SLC4A5: variants seen among roughly 807,000 people sequenced by gnomAD.
SLC4A5 encodes electrogenic sodium bicarbonate cotransporter 4.
Under a neutral mutation model 120.4 loss-of-function variants are expected in SLC4A5, and 96 were observed. The observed-to-expected ratio is 0.80, with a 90% CI of 0.68 to 0.94. SLC4A5 has a LOEUF of 0.94. Among genes scored for constraint, SLC4A5 ranks in the 40% least tolerant of loss-of-function variants. The probability of loss-of-function intolerance (pLI) is 0.00; values close to 1 mark genes in which losing one functional copy is unlikely to be tolerated. For missense variants in SLC4A5, 1,259 were observed against 1,459.5 expected (o/e 0.86, Z 2.24); for synonymous variants, 550 against 571.1 (o/e 0.96, Z 0.53).
intron 10 of SLC4A5, among the ~76,000 whole-genome samples, chr2:74,262,529 G>C (rs975787171): frequency 1.3e-5 from 2 of 151,712 alleles, no homozygotes; most frequent in African/African-American, 2.4e-5. Context: ...GTGAAACCCT[G>C]TATCTACTAA....
Position 74,304,493 on chromosome 2 carries a change from C to A in SLC4A5, c.267G>T (p.Arg89Ser), listed in dbSNP as rs753765726. Residue 89 changes from arginine (R) to serine (S), a missense_variant, in exon 7 of 31, where the codon AGG (arginine) becomes AGT (serine). Transcript: ENST00000394019. ...TGTACCCCTCAAGGAACTCACGAGT[C>A]CTGCTGATAAGATCCATGCTGCTGT... 1.9e-6 allele frequency: 3 copies of A among 1,609,886 alleles called. No individual in the cohort carries two copies. The South Asian group carries it at 3.3e-5, about 18-fold the overall frequency.
At chr2:74,314,839 A>C in intron 6 of SLC4A5, 106 bp downstream of exon 6, 1 of 1,017,590 alleles carries the variant, frequency 9.8e-7, no homozygotes. Context: ...AGTCAGGAAA[A>C]GGGACCTGCT....
chr2:74,249,281 C>A (rs779418273), intron 17 of SLC4A5, among the ~76,000 whole-genome samples: 2 of 152,048 alleles, frequency 1.3e-5, no homozygotes, highest in Non-Finnish European at 2.9e-5. Context: ...GTCAGGAAGG[C>A]CTCCCTAGAA....
At chr2:74,273,787 T>C (rs1671549548) in intron 8 of SLC4A5, among the ~76,000 whole-genome samples, 1 of 152,246 alleles carries the variant, frequency 6.6e-6, no homozygotes, top group African/African-American at 2.4e-5. Flanking sequence ...TAGAGATGTC[T>C]GAGGAATCAT....
rs1396811609 is a variant in SLC4A5 at position 74,319,374 on chromosome 2, G to C, written c.-2-4349C>G. 2.6e-5 allele frequency: 4 copies of C among 152,130 alleles called. No homozygotes were observed. In the South Asian group the frequency reaches 8.3e-4, roughly 32 times the overall value. 9.4% of individuals were successfully genotyped at this position (152,130 alleles called of 1,614,324 possible). On this transcript the variant is annotated intron_variant, in intron 5 of 30. Transcript: ENST00000394019. ...CTAAATATATATTTTAAAACATTTA[G>C]GTTCTTTAAAAAACTATGTAGCTGG... is the stretch of plus-strand genomic sequence containing the variant.
At chr2:74,253,686 C>T (rs1046453635) in intron 14 of SLC4A5, among the ~76,000 whole-genome samples, 2 of 151,990 alleles carry the variant, frequency 1.3e-5, no homozygotes, top group African/African-American at 4.8e-5. Flanking sequence ...GCAAATCTGA[C>T]TGATTTTCAA....
intron 17 of SLC4A5, 146 bp from the exon 18 acceptor site, chr2:74,248,632 C>A: frequency 1.1e-6 from 1 of 905,512 alleles, no homozygotes. Flanking sequence ...TCCTGTTCTC[C>A]ATCTCCTACA....
At chr2:74,264,389 T>G (rs2104048272) in intron 9 of SLC4A5, 90 bp from the exon 10 acceptor site, 1 of 1,441,468 alleles carries the variant, frequency 6.9e-7, no homozygotes, top group African/African-American at 1.4e-5. Context: ...TTAGTGGGAT[T>G]AAATGTGGCA....
intron 5 of SLC4A5, among the ~76,000 whole-genome samples, chr2:74,321,553 GACCCAGATGTGGTT>G (rs1673098048): frequency 6.6e-6 from 1 of 152,072 alleles, no homozygotes; most frequent in Admixed American, 6.6e-5. Flanking sequence ...TGACAAAGGT[GACCCAGATGTGGTT>G]ACTGAAAACC....
intron 7 of SLC4A5, among the ~76,000 whole-genome samples, chr2:74,302,574 G>A (rs933699069): frequency 5.9e-5 from 9 of 152,192 alleles, no homozygotes; most frequent in African/African-American, 1.9e-4. Flanking sequence ...CCGAGATCGC[G>A]CCACTTAACT....
chr2:74,278,932 C>A (rs767345306), intron 8 of SLC4A5, among the ~76,000 whole-genome samples: 3 of 152,222 alleles, frequency 2.0e-5, no homozygotes, highest in Non-Finnish European at 4.4e-5. Context: ...CTCCTACAGT[C>A]GCTTTTCCAC....
intron 14 of SLC4A5, among the ~76,000 whole-genome samples, chr2:74,253,340 C>T (rs1449716679): frequency 6.6e-6 from 1 of 152,202 alleles, no homozygotes; most frequent in Non-Finnish European, 1.5e-5. Flanking sequence ...TCTCTTGGAT[C>T]TGAAGGCCAG....
At chr2:74,342,303 A>G (rs1020101606) in intron 2 of SLC4A5, among the ~76,000 whole-genome samples, 155 bp downstream of exon 2, 1 of 152,170 alleles carries the variant, frequency 6.6e-6, no homozygotes, top group Non-Finnish European at 1.5e-5. Context: ...TCCATTGCTA[A>G]GTGTTTAGTT....
intron 16 of SLC4A5, chr2:74,250,737 G>A (rs552012795): frequency 1.1e-4 from 58 of 540,096 alleles, no homozygotes; most frequent in African/African-American, 1.0e-3. Context: ...GGACATAGAG[G>A]GTTTTGGAGA....
chr2:74,218,756 T>C (rs1463840416), exon 31 of SLC4A5: 1 of 152,664 alleles, frequency 6.6e-6, no homozygotes, highest in Non-Finnish European at 1.5e-5. Flanking sequence ...TGAAAGCAGG[T>C]GAAGCTGGAC....
intron 7 of SLC4A5, among the ~76,000 whole-genome samples, chr2:74,301,444 CT>C (rs1399505131): frequency 2.0e-5 from 3 of 152,214 alleles, no homozygotes; most frequent in African/African-American, 7.2e-5. Flanking sequence ...CAGGATGCCC[CT>C]GTTCTCTGAA....
rs1485218366 is a variant in SLC4A5 at position 74,239,568 on chromosome 2, G to A, written c.2119-33C>T. The A allele has an allele frequency of 1.9e-6, 3 of 1,604,966 alleles. No homozygotes were observed. In the Admixed American group the frequency reaches 5.0e-5, roughly 27 times the overall value. On this transcript the variant is annotated intron_variant, in intron 20 of 30. Transcript: ENST00000394019. ...ACCAAGCACAGGAGAGAATGGGTCA[G>A]CATCTTCCTGATGAGTCAGCTGTGT... is the stretch of plus-strand genomic sequence containing the variant.
chr2:74,275,484 G>C (rs1484091435), intron 8 of SLC4A5, among the ~76,000 whole-genome samples: 1 of 152,172 alleles, frequency 6.6e-6, no homozygotes, highest in African/African-American at 2.4e-5. Context: ...GCCTCCCTCA[G>C]AGTCTGCTGG....
intron 5 of SLC4A5, among the ~76,000 whole-genome samples, 183 bp downstream of exon 5, chr2:74,327,936 AT>A (rs1329328199): frequency 6.6e-6 from 1 of 152,218 alleles, no homozygotes; most frequent in East Asian, 1.9e-4. Context: ...AAACAGTATA[AT>A]TTTTAAAGGA....
Sources: allele counts gnomAD v4.1 joint callset (sites outside exome capture counted in the v4.1 genomes callset), GRCh38; gene constraint gnomAD v4.1.1; transcripts MANE v1.5; gene names NCBI Gene and HGNC (gene_info 2026-07-23, HGNC 2026-07-21).